The following ANKRD23 variants were observed in gnomAD, a reference collection of about 807,000 sequenced individuals.
ANKRD23 encodes ankyrin repeat domain 23.
A neutral mutation model predicts 38.1 loss-of-function variants in ANKRD23; 52 were observed. The ratio of observed to expected loss-of-function variants is 1.36; its 90% CI spans 1.09 to 1.72. The LOEUF is 1.72. Among genes scored for constraint, ANKRD23 ranks in the 40% most tolerant of loss-of-function variants. The pLI is 0.00. For missense variants in ANKRD23, 416 were observed against 400.2 expected (o/e 1.04, Z -0.34); for synonymous variants, 167 against 162.9 (o/e 1.03, Z -0.19).
At position 96,841,012 on chromosome 2, in the gene ANKRD23, C is replaced by A. The variant is rs1239206887; in HGVS notation, c.301-100G>T. ...TGGCCCACGGGTCCCATGCAGCCCA[C>A]CAAGGAACACTGCTGGCTCGTACTA... On this transcript the variant is annotated intron_variant, in intron 3 of 8. Transcript: ENST00000318357. The A allele has an allele frequency of 5.6e-6, 8 of 1,438,000 alleles. No homozygotes were observed. The East Asian group carries it at 1.4e-4, about 25-fold the overall frequency. The allele number at this position is 1,438,000 out of a possible 1,614,324, so 89.1% of individuals were successfully genotyped here.
In ANKRD23 at chr2:96,842,584, C is replaced by T. The variant is rs1422187387; in HGVS notation, c.28-73G>A. 5 of 1,526,680 alleles carry T rather than the reference C, an allele frequency of 3.3e-6. No individual in the cohort carries two copies. The African/African-American group carries it at 4.2e-5, about 13-fold the overall frequency. The allele number at this position is 1,526,680 out of a possible 1,614,324, so 94.6% of individuals were successfully genotyped here. On this transcript the variant is annotated intron_variant, in intron 1 of 8. Transcript: ENST00000318357. ...CTTAGAAAACAGAGCTGTGGAGTAG[C>T]AGGGAGCTGTCTTATAAGGGCAGAT... is the stretch of plus-strand genomic sequence containing the variant.
rs1244839747 is a variant in ANKRD23 at position 96,840,441 on chromosome 2, C to A, written c.500G>T (p.Gly167Val). Residue 167 changes from glycine to valine, a missense_variant, in exon 5 of 9, where the codon GGT becomes GTT. Coordinates refer to ENST00000318357, the MANE Select transcript of ANKRD23 (RefSeq NM_144994.8). Reference sequence around the variant, plus strand: ...CAAGTCTCGCGCGTCCACTGTGGCACCTGCCACCAGCAGCTTGTTCACCAG... The same window carrying A: ...CAAGTCTCGCGCGTCCACTGTGGCAACTGCCACCAGCAGCTTGTTCACCAG... ...SQLVNKLLVAGATVDARDLLD... is the reference protein window; with the variant it reads ...SQLVNKLLVAVATVDARDLLD... 5.6e-6 allele frequency: 9 copies of A among 1,614,110 alleles called. No individual in the cohort carries two copies. Among genetic ancestry groups the A allele is most frequent in the Non-Finnish European group, 7.6e-6 (9 of 1,180,036 alleles).
chr2:96,840,520 G>A lies in ANKRD23; in HGVS notation c.427-6C>T. 1 of 1,613,476 alleles carries A rather than the reference G, an allele frequency of 6.2e-7. No homozygotes were observed. The highest frequency in any genetic ancestry group is 1.1e-5 in the South Asian group (1 of 91,032). On this transcript the variant is annotated splice_polypyrimidine_tract_variant and splice_region_variant and intron_variant, in intron 4 of 8. Transcript: ENST00000318357. ...TGCAAGGCGGTGCGGTGGAGCTGAG[G>A]GCAGAGATGGAAGATTAGGCAGAGG...
intron 1 of ANKRD23, among the ~76,000 whole-genome samples, chr2:96,842,803 C>G (rs183605424): frequency 1.2e-4 from 19 of 152,300 alleles, no homozygotes; most frequent in Middle Eastern, 3.4e-3. Context: ...GAGGCCACAA[C>G]CTATTTATAC....
In ANKRD23 at chr2:96,842,051, C is replaced by G. The variant is rs1382200010; in HGVS notation, c.300+9G>C. On this transcript the variant is annotated intron_variant, in intron 3 of 8. Coordinates refer to ENST00000318357, the MANE Select transcript of ANKRD23 (RefSeq NM_144994.8). ...GTGTGCACTGCCCTAACCCCGACCTCCCACTCACCTTAACCAGGGGCTCAG... is the reference window on the plus strand; with the variant it reads ...GTGTGCACTGCCCTAACCCCGACCTGCCACTCACCTTAACCAGGGGCTCAG... 2 of 1,613,650 alleles carry G rather than the reference C, an allele frequency of 1.2e-6. No individual in the cohort carries two copies. The highest frequency in any genetic ancestry group is 2.7e-5 in the African/African-American group (2 of 74,922).
intron 3 of ANKRD23, 46 bp downstream of exon 3, chr2:96,842,014 T>C (rs1225137302): frequency 4.3e-6 from 7 of 1,611,720 alleles, no homozygotes; most frequent in Non-Finnish European, 5.1e-6. Flanking sequence ...CCTCTGGAAC[T>C]GGAGCCCTGG....
rs971113980 is a variant in ANKRD23 at position 96,838,824 on chromosome 2, T to C, written c.*725A>G. The stretch of plus-strand genomic sequence containing the variant: ...TCAAATGCGCGCTCCAGCTCATCAG[T>C]CTTAGGGCTTCTGAGGCAACCTAGT... On this transcript the variant is annotated 3_prime_UTR_variant, in exon 9 of 9. Transcript: ENST00000318357. The C allele has an allele frequency of 4.1e-6, 4 of 985,358 alleles. No homozygotes were observed. In the African/African-American group the frequency reaches 7.0e-5, roughly 17 times the overall value. The allele number at this position is 985,358 out of a possible 1,614,324, so 61.0% of individuals were successfully genotyped here. A position where few individuals can be genotyped will look rare whatever the true frequency, so the allele number is the denominator to read the frequency against.
rs1235017508 is a variant in ANKRD23, at chr2:96,840,301, G to A, written c.555C>T (p.Cys185=). ...LLDRTPVFWA[C]RGGHLVILKQ... Reference sequence around the variant, plus strand: ...TGAGGATGACCAGATGTCCTCCGCGGCAGGCCCAGAACACAGGTGTCCTGT... The same window carrying A: ...TGAGGATGACCAGATGTCCTCCGCGACAGGCCCAGAACACAGGTGTCCTGT... Residue 185 remains cysteine, a synonymous_variant, in exon 6 of 9, where the codon TGC becomes TGT. Coordinates refer to ENST00000318357, the MANE Select transcript of ANKRD23 (RefSeq NM_144994.8). The A allele has an allele frequency of 6.2e-7, 1 of 1,608,736 alleles. No individual in the cohort carries two copies. Among genetic ancestry groups the A allele is most frequent in the Non-Finnish European group, 8.5e-7 (1 of 1,177,258 alleles).
At chr2:96,840,123 G>A (rs1324206607) in intron 6 of ANKRD23, 28 bp from the exon 7 acceptor site, 4 of 1,549,728 alleles carry the variant, frequency 2.6e-6, no homozygotes, top group Non-Finnish European at 3.5e-6. Context: ...TCAGTGCTGG[G>A]TCTGGATTGG....
At position 96,838,774 on chromosome 2, in the gene ANKRD23, G is replaced by A. The variant is rs2079722104; in HGVS notation, c.*775C>T. 5.1e-6 allele frequency: 5 copies of A among 985,512 alleles called. No homozygotes were observed. The highest frequency in any genetic ancestry group is 6.0e-6 in the Non-Finnish European group (5 of 830,080). The allele number at this position is 985,512 out of a possible 1,614,324, so 61.0% of individuals were successfully genotyped here. ...TGCCAGGCCGGCCTGAGCGGGGCCA[G>A]TACACAGTGGGTGCGAGGCTTCTCT... On this transcript the variant is annotated 3_prime_UTR_variant, in exon 9 of 9. Transcript: ENST00000318357.
chr2:96,839,563 G>C lies in ANKRD23; in HGVS notation c.904C>G (p.Arg302Gly), dbSNP rs533331557. 6.8e-6 allele frequency: 10 copies of C among 1,462,134 alleles called. No individual in the cohort carries two copies. Among genetic ancestry groups the C allele is most frequent in the Admixed American group, 5.2e-5 (2 of 38,600 alleles). The allele number at this position is 1,462,134 out of a possible 1,614,324, so 90.6% of individuals were successfully genotyped here. A position where few individuals can be genotyped will look rare whatever the true frequency, so the allele number is the denominator to read the frequency against. Residue 302 changes from arginine (R) to glycine (G), a missense_variant, in exon 9 of 9, where the codon CGC becomes GGC. Physicochemically the swap from Arg to Gly is moderately radical, Grantham distance 125. Coordinates refer to ENST00000318357, the MANE Select transcript of ANKRD23 (RefSeq NM_144994.8). ...EALQAHVAHP[R>G]TRC ...CGGTGCTGCGGTCAGCACCGGGTGC[G>C]GGGATGCGCCACGTGGGCCTGCAGG...
rs572162653 is a variant in ANKRD23 at position 96,840,629 on chromosome 2, C to T, written c.427-115G>A. 1.2e-4 allele frequency: 185 copies of T among 1,505,698 alleles called. 1 individual carries two copies. In the Middle Eastern group the frequency reaches 4.1e-3, roughly 33 times the overall value. The allele number at this position is 1,505,698 out of a possible 1,614,324, so 93.3% of individuals were successfully genotyped here. A position where few individuals can be genotyped will look rare whatever the true frequency, so the allele number is the denominator to read the frequency against. The stretch of plus-strand genomic sequence containing the variant: ...TGGAATTGCCACTTCCCCCACCACG[C>T]GATGGGCCGCTCCCTCTCCTCCGTC... On this transcript the variant is annotated intron_variant, in intron 4 of 8. Transcript: ENST00000318357.
At chr2:96,843,912 T>C in intron 1 of ANKRD23, 54 bp downstream of exon 1, 1 of 1,579,588 alleles carries the variant, frequency 6.3e-7, no homozygotes, top group South Asian at 1.2e-5. Flanking sequence ...CTAGCCAGCC[T>C]CCTCCTATCA....
Position 96,840,799 on chromosome 2 carries a change from A to G in ANKRD23, c.414T>C (p.Asn138=). ...DKYLTDGGDP[N]AHDKLHRTAL... is the part of the protein sequence containing the mutation. ...CAACCTGTGCTACCTTGTCATGGGCATTGGGGTCCCCTCCGTCTGTCAAGT... is the reference window on the plus strand; with the variant it reads ...CAACCTGTGCTACCTTGTCATGGGCGTTGGGGTCCCCTCCGTCTGTCAAGT... Residue 138 remains asparagine (N), a synonymous_variant, in exon 4 of 9, where the codon AAT becomes AAC. Transcript: ENST00000318357. 2 of 1,614,142 alleles carry G rather than the reference A, an allele frequency of 1.2e-6. No homozygotes were observed. Among genetic ancestry groups the G allele is most frequent in the African/African-American group, 2.7e-5 (2 of 75,036 alleles).
At chr2:96,843,267 C>T (rs1165796080) in intron 1 of ANKRD23, among the ~76,000 whole-genome samples, 6 of 152,178 alleles carry the variant, frequency 3.9e-5, no homozygotes, top group African/African-American at 7.2e-5. Flanking sequence ...CACCTCCCTG[C>T]CATTTGCCTC....
chr2:96,841,225 C>T (rs889987514), intron 3 of ANKRD23: 9 of 274,588 alleles, frequency 3.3e-5, no homozygotes, highest in Admixed American at 9.9e-5. Flanking sequence ...GAGGTCACAC[C>T]GGCGTATGGT....
chr2:96,842,498 C>G lies in ANKRD23; in HGVS notation c.41G>C (p.Arg14Thr). Residue 14 changes from arginine (R) to threonine (T), a missense_variant, in exon 2 of 9, where the codon AGA (arginine) becomes ACA (threonine). By Grantham distance (71) the Arg-to-Thr change is moderately conservative. Transcript: ENST00000318357. ...ISIQQLVSGE[R>T]VEGKVLGFGH... Reference sequence around the variant, plus strand: ...AAATCCCAACACTTTCCCTTCAACTCTTTCTCCACTTACCTGTAGGAACAG... The same window carrying G: ...AAATCCCAACACTTTCCCTTCAACTGTTTCTCCACTTACCTGTAGGAACAG... 1 of 1,613,690 alleles carries G rather than the reference C, an allele frequency of 6.2e-7. No homozygotes were observed. The highest frequency in any genetic ancestry group is 8.5e-7 in the Non-Finnish European group (1 of 1,179,834).
chr2:96,841,805 C>T (rs2079765059), intron 3 of ANKRD23, among the ~76,000 whole-genome samples: 1 of 152,210 alleles, frequency 6.6e-6, no homozygotes, highest in Non-Finnish European at 1.5e-5. Flanking sequence ...CCAGCCTCGC[C>T]AACACCTTCC....
Position 96,840,091 on chromosome 2 carries a change from C to T in ANKRD23, c.629G>A (p.Gly210Glu). 6.4e-7 allele frequency: 1 copy of T among 1,555,252 alleles called. No individual in the cohort carries two copies. The change falls in exon 7 of 9, where the codon GGG becomes GAG. Residue 210 changes from glycine (G) to glutamate (E), a missense_variant. Coordinates refer to ENST00000318357, the MANE Select transcript of ANKRD23 (RefSeq NM_144994.8). Reference sequence around the variant, plus strand: ...CACTGCCACGTGCAGGGGGGTGCTCCCGATCTGAGAGCAAGTGGGGGTCAG... The same window carrying T: ...CACTGCCACGTGCAGGGGGGTGCTCTCGATCTGAGAGCAAGTGGGGGTCAG... ...GARVNARDKI[G>E]STPLHVAVRT... is the part of the protein sequence containing the mutation.
Sources: allele counts gnomAD v4.1 joint callset (sites outside exome capture counted in the v4.1 genomes callset), GRCh38; gene constraint gnomAD v4.1.1; transcripts MANE v1.5; gene names NCBI Gene and HGNC (gene_info 2026-07-23, HGNC 2026-07-21).